The following CABCOCO1 variants were observed in gnomAD, a reference collection of about 807,000 sequenced individuals.
CABCOCO1 encodes the protein ciliary-associated calcium-binding coiled-coil protein 1.
In CABCOCO1, 28 loss-of-function variants were observed where a neutral mutation model predicts 35.7. The ratio of observed to expected loss-of-function variants is 0.78; its 90% CI spans 0.58 to 1.07. CABCOCO1 has a LOEUF of 1.07. Among genes scored for constraint, CABCOCO1 ranks in the 50% least tolerant of loss-of-function variants. CABCOCO1 has a pLI of 0.00. For missense variants in CABCOCO1, 326 were observed against 309.2 expected (o/e 1.05, Z -0.41); for synonymous variants, 95 against 100.1 (o/e 0.95, Z 0.30).
intron 2 of CABCOCO1, among the ~76,000 whole-genome samples, chr10:61,680,656 GT>G (rs1378109665): frequency 5.5e-5 from 4 of 73,150 alleles, no homozygotes; most frequent in South Asian, 4.6e-4. Context: ...TATATATTAT[GT>G]TATACATGTA....
chr10:61,749,558 G>GTGAACAAAA (rs1291147492), intron 5 of CABCOCO1, among the ~76,000 whole-genome samples: 2 of 152,230 alleles, frequency 1.3e-5, no homozygotes, highest in African/African-American at 4.8e-5. Flanking sequence ...TGTAGAGCCA[G>GTGAACAAAA]TGAACAAATT....
intron 5 of CABCOCO1, among the ~76,000 whole-genome samples, chr10:61,694,260 G>A (rs1840234073): frequency 6.8e-6 from 1 of 148,002 alleles, no homozygotes; most frequent in Non-Finnish European, 1.5e-5. Context: ...GGAAGATGGA[G>A]GAAGAGGCCA....
chr10:61,682,594 T>C (rs1839828036), intron 3 of CABCOCO1, among the ~76,000 whole-genome samples: 1 of 152,192 alleles, frequency 6.6e-6, no homozygotes, highest in Non-Finnish European at 1.5e-5. Context: ...GATGCTAAAT[T>C]GGTTTTCCCC....
At chr10:61,701,763 A>AC (rs1307099209) in intron 5 of CABCOCO1, 327 of 985,220 alleles carry the variant, frequency 3.3e-4, no homozygotes, top group Non-Finnish European at 3.9e-4. Flanking sequence ...GACATTTTCA[A>AC]ATCAAAATGT....
intron 5 of CABCOCO1, among the ~76,000 whole-genome samples, chr10:61,716,460 C>A (rs1177944508): frequency 6.6e-6 from 1 of 152,094 alleles, no homozygotes; most frequent in Admixed American, 6.6e-5. Context: ...AATTTGCAGG[C>A]ACCCACAATT....
At chr10:61,760,010 G>A (rs374367643) in intron 5 of CABCOCO1, 49 bp from the exon 6 acceptor site, 36 of 1,607,350 alleles carry the variant, frequency 2.2e-5, no homozygotes, top group Non-Finnish European at 2.9e-5. Flanking sequence ...CGAAACTGTG[G>A]TTGCTCACCA....
At chr10:61,675,566 G>C (rs1372972669) in intron 2 of CABCOCO1, among the ~76,000 whole-genome samples, 3 of 152,082 alleles carry the variant, frequency 2.0e-5, no homozygotes, top group Non-Finnish European at 4.4e-5. Flanking sequence ...AAAAAGCAAA[G>C]AACATATGCA....
intron 5 of CABCOCO1, among the ~76,000 whole-genome samples, chr10:61,717,233 G>A (rs1381745667): frequency 6.6e-6 from 1 of 152,138 alleles, no homozygotes; most frequent in Non-Finnish European, 1.5e-5. Flanking sequence ...CATGGTGAGG[G>A]AAGCCAGCTT....
intron 7 of CABCOCO1, among the ~76,000 whole-genome samples, chr10:61,765,128 C>A (rs112930119): frequency 6.6e-6 from 1 of 152,028 alleles, no homozygotes. Context: ...CCTTATACAG[C>A]GGTAGACATT....
chr10:61,749,701 T>C (rs1053776667), intron 5 of CABCOCO1, among the ~76,000 whole-genome samples: 1 of 152,234 alleles, frequency 6.6e-6, no homozygotes, highest in African/African-American at 2.4e-5. Flanking sequence ...AATGAACTAC[T>C]AGGGTTCCCC....
At chr10:61,698,208 A>T (rs938270496) in intron 5 of CABCOCO1, among the ~76,000 whole-genome samples, 1 of 152,142 alleles carries the variant, frequency 6.6e-6, no homozygotes, top group African/African-American at 2.4e-5. Context: ...AATTTTTCTA[A>T]CTTACAAAAT....
chr10:61,747,496 G>C (rs1227201273), intron 5 of CABCOCO1, among the ~76,000 whole-genome samples: 1 of 151,996 alleles, frequency 6.6e-6, no homozygotes, highest in Non-Finnish European at 1.5e-5. Flanking sequence ...AATGATACTA[G>C]CAATCTGAAA....
At chr10:61,675,169 T>G (rs2131960802) in intron 2 of CABCOCO1, among the ~76,000 whole-genome samples, 1 of 152,190 alleles carries the variant, frequency 6.6e-6, no homozygotes, top group South Asian at 2.1e-4. Flanking sequence ...TGAATCATCT[T>G]TCTCTTTCCC....
intron 5 of CABCOCO1, among the ~76,000 whole-genome samples, chr10:61,697,463 T>A (rs185037105): frequency 5.3e-5 from 8 of 152,074 alleles, no homozygotes; most frequent in African/African-American, 1.9e-4. Context: ...AGTGTTCCCA[T>A]TTATTTTTAA....
At chr10:61,694,949 T>C (rs536074336) in intron 5 of CABCOCO1, among the ~76,000 whole-genome samples, 1 of 152,220 alleles carries the variant, frequency 6.6e-6, no homozygotes, top group African/African-American at 2.4e-5. Flanking sequence ...AGGTTGGATG[T>C]GTATAGTGTT....
At chr10:61,679,006 A>G (rs1165276346) in intron 2 of CABCOCO1, among the ~76,000 whole-genome samples, 1 of 152,166 alleles carries the variant, frequency 6.6e-6, no homozygotes, top group African/African-American at 2.4e-5. Flanking sequence ...TGCTGTATTT[A>G]TTAATCTGAT....
At chr10:61,706,006 A>G (rs967252728) in intron 5 of CABCOCO1, among the ~76,000 whole-genome samples, 1 of 152,214 alleles carries the variant, frequency 6.6e-6, no homozygotes, top group Non-Finnish European at 1.5e-5. Context: ...TGTGATATTG[A>G]TTATCTACAG....
intron 5 of CABCOCO1, among the ~76,000 whole-genome samples, chr10:61,696,534 G>A (rs1417888803): frequency 6.6e-6 from 1 of 151,964 alleles, no homozygotes; most frequent in Non-Finnish European, 1.5e-5. Flanking sequence ...GTCTCATTCT[G>A]TTGCTCAGGC....
intron 5 of CABCOCO1, among the ~76,000 whole-genome samples, chr10:61,717,714 A>C (rs541014472): frequency 1.3e-5 from 2 of 152,198 alleles, no homozygotes; most frequent in Non-Finnish European, 2.9e-5. Flanking sequence ...AAAACACAAG[A>C]TAGAGGTCAG....
Sources: gnomAD v4.1 joint callset for allele counts (sites outside exome capture counted in the v4.1 genomes callset) on GRCh38, gnomAD v4.1.1 for gene constraint, MANE v1.5 for transcripts, NCBI Gene and HGNC (gene_info 2026-07-23, HGNC 2026-07-21) for gene names.